PRKAR2B: variants seen among roughly 807,000 people sequenced by gnomAD.
The protein encoded by PRKAR2B is cAMP-dependent protein kinase type II-beta regulatory subunit.
PRKAR2B carries 14 observed loss-of-function variants against 49.9 expected under a neutral mutation model. The observed-to-expected ratio is 0.28, with a 90% CI of 0.19 to 0.44. The LOEUF is 0.44. PRKAR2B is among the 20% of genes least tolerant of loss of function. The pLI is 1.00. For missense variants in PRKAR2B, 393 were observed against 537.9 expected, an observed-to-expected ratio of 0.73 and a Z score of 2.67; for synonymous variants, 196 against 197.7, an observed-to-expected ratio of 0.99 and a Z score of 0.07.
intron 2 of PRKAR2B, among the ~76,000 whole-genome samples, chr7:107,071,145 A>G (rs1794265724): frequency 6.6e-6 from 1 of 152,214 alleles, no homozygotes; most frequent in South Asian, 2.1e-4. Context: ...ATTTGATTTG[A>G]GAAAATTACT....
intron 4 of PRKAR2B, among the ~76,000 whole-genome samples, chr7:107,130,265 C>T (rs1462112515): frequency 6.6e-6 from 1 of 151,146 alleles, no homozygotes; most frequent in Admixed American, 6.6e-5. Context: ...TTTGGGAGGC[C>T]GAGGTGGGTG....
At chr7:107,088,358 G>C (rs1177773273) in intron 2 of PRKAR2B, among the ~76,000 whole-genome samples, 2 of 152,146 alleles carry the variant, frequency 1.3e-5, no homozygotes, top group Non-Finnish European at 2.9e-5. Flanking sequence ...TCTCTCAGGA[G>C]CTGACATTTC....
chr7:107,045,483 C>T (rs1793671234), intron 1 of PRKAR2B, among the ~76,000 whole-genome samples: 1 of 152,196 alleles, frequency 6.6e-6, no homozygotes, highest in Admixed American at 6.5e-5. Flanking sequence ...ACCCTTTGCC[C>T]CCTCTGCCTG....
At chr7:107,047,535 A>G (rs1793721928) in intron 1 of PRKAR2B, among the ~76,000 whole-genome samples, 3 of 140,124 alleles carry the variant, frequency 2.1e-5, no homozygotes, top group African/African-American at 7.5e-5. Flanking sequence ...TGGTTAGAAG[A>G]AAAAAAAAAA....
intron 7 of PRKAR2B, among the ~76,000 whole-genome samples, chr7:107,152,558 C>T (rs898645308): frequency 6.6e-6 from 1 of 152,190 alleles, no homozygotes; most frequent in Admixed American, 6.5e-5. Context: ...CATACTTCAT[C>T]ATTAAATTAA....
intron 8 of PRKAR2B, among the ~76,000 whole-genome samples, chr7:107,156,782 G>A (rs1191684782): frequency 6.6e-6 from 1 of 151,782 alleles, no homozygotes; most frequent in Non-Finnish European, 1.5e-5. Flanking sequence ...TTCCAGTCTG[G>A]GCAACAGAGT....
chr7:107,064,627 G>A (rs956194432), intron 1 of PRKAR2B, among the ~76,000 whole-genome samples: 1 of 152,128 alleles, frequency 6.6e-6, no homozygotes, highest in Admixed American at 6.5e-5. Context: ...AGCCTTGGAG[G>A]GTACCCGCCA....
intron 2 of PRKAR2B, among the ~76,000 whole-genome samples, chr7:107,088,784 G>T (rs2116797351): frequency 6.6e-6 from 1 of 152,140 alleles, no homozygotes; most frequent in Non-Finnish European, 1.5e-5. Context: ...AGTTTTAGTA[G>T]ACCCGTGGTT....
intron 2 of PRKAR2B, among the ~76,000 whole-genome samples, chr7:107,103,391 T>C (rs898726035): frequency 6.6e-6 from 1 of 152,268 alleles, no homozygotes; most frequent in African/African-American, 2.4e-5. Flanking sequence ...CCCAGGGTTC[T>C]ACCAGTTTTG....
chr7:107,121,109 G>A (rs1039664184), intron 2 of PRKAR2B, among the ~76,000 whole-genome samples: 15 of 151,576 alleles, frequency 9.9e-5, no homozygotes, highest in African/African-American at 3.6e-4. Flanking sequence ...AGTTAGGGGG[G>A]TCTTATTACA....
chr7:107,115,005 C>T (rs541784578), intron 2 of PRKAR2B, among the ~76,000 whole-genome samples: 1 of 151,854 alleles, frequency 6.6e-6, no homozygotes, highest in Non-Finnish European at 1.5e-5. Context: ...TTTAAAATAT[C>T]TAAAATGTTT....
chr7:107,140,891 C>A lies in PRKAR2B; in HGVS notation c.525C>A (p.Val175=). 1 of 1,612,350 alleles carries A rather than the reference C, an allele frequency of 6.2e-7. No individual in the cohort carries two copies. The highest frequency in any genetic ancestry group is 1.1e-5 in the South Asian group (1 of 90,874). The change falls in exon 5 of 11, where the codon GTC becomes GTA. Residue 175 remains valine (V), a synonymous_variant. Transcript: ENST00000265717. ...TAGATGCCATGTTTGAAAAATTGGT[C>A]AAAGATGGGGAGCATGTAATTGATC... ...QVLDAMFEKL[V]KDGEHVIDQG...
chr7:107,128,877 A>T (rs1222174176), intron 4 of PRKAR2B: 1 of 147,228 alleles, frequency 6.8e-6, no homozygotes, highest in Non-Finnish European at 1.5e-5. Context: ...TCTTGGTATG[A>T]GTGCACGTGC....
At position 107,151,040 on chromosome 7, in the gene PRKAR2B, G is replaced by T; in HGVS notation, c.843+17G>T. 7.2e-7 allele frequency: 1 copy of T among 1,384,730 alleles called. No homozygotes were observed. The highest frequency in any genetic ancestry group is 9.8e-7 in the Non-Finnish European group (1 of 1,023,864). The allele number at this position is 1,384,730 out of a possible 1,614,324, so 85.8% of individuals were successfully genotyped here. A position where few individuals can be genotyped will look rare whatever the true frequency, so the allele number is the denominator to read the frequency against. On this transcript the variant is annotated intron_variant, in intron 7 of 10. Transcript: ENST00000265717. ...TCTTTGGAGGTAAGTATATGTTTATGCTTTTATTTTATTTTGCTTTAAAAG... is the reference window on the plus strand; with the variant it reads ...TCTTTGGAGGTAAGTATATGTTTATTCTTTTATTTTATTTTGCTTTAAAAG...
At chr7:107,109,209 C>T (rs984320653) in intron 2 of PRKAR2B, among the ~76,000 whole-genome samples, 2 of 152,068 alleles carry the variant, frequency 1.3e-5, no homozygotes, top group African/African-American at 4.8e-5. Context: ...ATTCCTAGTC[C>T]TAGCTGGTTT....
intron 1 of PRKAR2B, among the ~76,000 whole-genome samples, chr7:107,054,520 A>T (rs1332910779): frequency 6.6e-6 from 1 of 152,094 alleles, no homozygotes; most frequent in East Asian, 1.9e-4. Flanking sequence ...TTTAGTTTAT[A>T]TTTTACCCTA....
chr7:107,119,111 T>C (rs1795342675), intron 2 of PRKAR2B, among the ~76,000 whole-genome samples: 1 of 152,228 alleles, frequency 6.6e-6, no homozygotes, highest in African/African-American at 2.4e-5. Flanking sequence ...TCCAGATGAT[T>C]TTTAATTAGG....
At chr7:107,149,629 G>A (rs564065899) in intron 6 of PRKAR2B, among the ~76,000 whole-genome samples, 1 of 152,132 alleles carries the variant, frequency 6.6e-6, no homozygotes, top group South Asian at 2.1e-4. Context: ...ACTATCCTGG[G>A]TGATTAGGAT....
Position 107,157,036 on chromosome 7 carries a change from C to T in PRKAR2B, c.971C>T (p.Thr324Ile). Reference sequence around the variant, plus strand: ...GTAGAATCTGGAGAAGTGAAAATTACTATGAAAAGAAAGGTAAGCATTCTA... The same window carrying T: ...GTAGAATCTGGAGAAGTGAAAATTATTATGAAAAGAAAGGTAAGCATTCTA... ...FIVESGEVKI[T>I]MKRKGKSEVE... is the part of the protein sequence containing the mutation. The change falls in exon 9 of 11, where the codon ACT becomes ATT. Residue 324 changes from threonine to isoleucine, a missense_variant. This residue lies in a region of PRKAR2B where 233 missense variants were observed against 390.4 expected (regional missense o/e 0.60). Coordinates refer to ENST00000265717, the MANE Select transcript of PRKAR2B (RefSeq NM_002736.3). The T allele has an allele frequency of 6.2e-7, 1 of 1,611,858 alleles. No homozygotes were observed. The highest frequency in any genetic ancestry group is 8.5e-7 in the Non-Finnish European group (1 of 1,178,010).
Sources: allele counts gnomAD v4.1 joint callset (sites outside exome capture counted in the v4.1 genomes callset), GRCh38; gene constraint gnomAD v4.1.1; regional missense constraint gnomAD v4.1.1; transcripts MANE v1.5; gene names NCBI Gene and HGNC (gene_info 2026-07-23, HGNC 2026-07-21).